The following TMEM94 variants were observed in gnomAD, a reference collection of about 807,000 sequenced individuals.
The protein encoded by TMEM94 is ER Mg2+ ATPase.
A neutral mutation model predicts 158.6 loss-of-function variants in TMEM94; 81 were observed. The observed-to-expected ratio is 0.51, with a 90% confidence interval of 0.43 to 0.61. The LOEUF (loss-of-function observed/expected upper bound fraction) is 0.61, where lower values mean the gene tolerates loss of function less well. Ranked by LOEUF, TMEM94 falls within the 20% of genes least tolerant of loss-of-function variation. The pLI, the probability that TMEM94 is intolerant of heterozygous loss-of-function variation, is 0.00. For missense variants in TMEM94, 1,435 were observed against 1,762.0 expected (o/e 0.81, Z 3.32); for synonymous variants, 751 against 730.7 (o/e 1.03, Z -0.45).
rs1486783729 is a variant in TMEM94, at chr17:75,498,684, C to T, written c.3789C>T (p.Pro1263=). 1.3e-6 allele frequency: 2 copies of T among 1,587,658 alleles called. No homozygotes were observed. The highest frequency in any genetic ancestry group is 1.7e-6 in the Non-Finnish European group (2 of 1,165,920). ...HRTKPLWRKS[P]LTNLWWAVTV... ...CCAAGCCCCTGTGGAGAAAGAGCCCCTTGACCAACCTCTGGTGGGCCGTGA... is the reference window on the plus strand; with the variant it reads ...CCAAGCCCCTGTGGAGAAAGAGCCCTTTGACCAACCTCTGGTGGGCCGTGA... Residue 1263 remains proline, a synonymous_variant, in exon 30 of 32, where the codon CCC becomes CCT. Transcript: ENST00000314256. This position sits in a 1 kb window ranked among gnomAD's most constrained non-coding sequence, Gnocchi z 6.7.
At chr17:75,470,744 C>A (rs530775969) in intron 1 of TMEM94, among the ~76,000 whole-genome samples, 4 of 144,662 alleles carry the variant, frequency 2.8e-5, no homozygotes, top group Admixed American at 7.0e-5. Flanking sequence ...CATGGTGAAA[C>A]CCTGTCTCAA....
intron 1 of TMEM94, among the ~76,000 whole-genome samples, chr17:75,459,930 G>A (rs2050010371): frequency 6.6e-6 from 1 of 152,184 alleles, no homozygotes; most frequent in African/African-American, 2.4e-5. Context: ...GTGAACTAGA[G>A]GGTAGGCCAT....
At chr17:75,465,002 T>TTTG (rs949961245) in intron 1 of TMEM94, among the ~76,000 whole-genome samples, 1 of 151,736 alleles carries the variant, frequency 6.6e-6, no homozygotes, top group African/African-American at 2.4e-5. Flanking sequence ...CCCGGCTCTT[T>TTTG]TTGTTGTTGT....
At chr17:75,476,336 G>T (rs979775569) in intron 2 of TMEM94, among the ~76,000 whole-genome samples, 1 of 152,234 alleles carries the variant, frequency 6.6e-6, no homozygotes, top group Non-Finnish European at 1.5e-5. Context: ...TGAAGAACAG[G>T]CCAAGCTCCT....
In TMEM94 at chr17:75,492,241, C is replaced by T. The variant is rs2052268200; in HGVS notation, c.1597-233C>T. On this transcript the variant is annotated intron_variant, in intron 14 of 31. Coordinates refer to ENST00000314256, the MANE Select transcript of TMEM94 (RefSeq NM_014738.6). This position sits in a 1 kb window ranked among gnomAD's most constrained non-coding sequence, Gnocchi z 4.4. ...GGTCTGGCCACCCCTCTTTTTAGCT[C>T]CTGCCAGTGTCATGAGATATATTAA... 2 of 1,421,056 alleles carry T rather than the reference C, an allele frequency of 1.4e-6. No individual in the cohort carries two copies. Among genetic ancestry groups the T allele is most frequent in the Admixed American group, 3.0e-5 (1 of 33,288 alleles). 88.0% of individuals were successfully genotyped at this position (1,421,056 alleles called of 1,614,324 possible).
chr17:75,494,520 C>T, intron 18 of TMEM94, 107 bp from the exon 19 acceptor site: 1 of 1,143,558 alleles, frequency 8.7e-7, no homozygotes, highest in Non-Finnish European at 1.2e-6. Context: ...TGTGTGGTCC[C>T]CTGGGGCCCA....
At chr17:75,479,394 A>G (rs1017034932) in intron 2 of TMEM94, among the ~76,000 whole-genome samples, 2 of 152,084 alleles carry the variant, frequency 1.3e-5, no homozygotes, top group Non-Finnish European at 2.9e-5. Flanking sequence ...ATCTCGGCTC[A>G]CTGCAACCGC....
Position 75,495,618 on chromosome 17 carries a change from C to G in TMEM94, c.2919C>G (p.Pro973=). Residue 973 remains proline, a synonymous_variant, in exon 22 of 32, where the codon CCC becomes CCG. Coordinates refer to ENST00000314256, the MANE Select transcript of TMEM94 (RefSeq NM_014738.6). The surrounding 1 kb of genome is among the most constrained non-coding windows in gnomAD (Gnocchi z 5.6). ...QNIDNVPLLV[P]LFTDCTPETM... ...TTGACAACGTGCCCCTGCTAGTGCC[C>G]CTTTTCACCGACTGCACCCCAGAGA... 1 of 1,613,582 alleles carries G rather than the reference C, an allele frequency of 6.2e-7. No homozygotes were observed. Among genetic ancestry groups the G allele is most frequent in the Non-Finnish European group, 8.5e-7 (1 of 1,180,014 alleles).
At position 75,498,761 on chromosome 17, in the gene TMEM94, G is replaced by A. The variant is rs1325529540; in HGVS notation, c.3827+39G>A. On this transcript the variant is annotated intron_variant, in intron 30 of 31. Coordinates refer to ENST00000314256, the MANE Select transcript of TMEM94 (RefSeq NM_014738.6). The surrounding 1 kb of genome is among the most constrained non-coding windows in gnomAD (Gnocchi z 6.7). ...GGATGGAGGGCGGAGTGTGGGCTGG[G>A]GAGGAGAGGGCCTTCTGCAGGGCTA... 2.6e-6 allele frequency: 4 copies of A among 1,536,042 alleles called. No homozygotes were observed. The highest frequency in any genetic ancestry group is 3.5e-6 in the Non-Finnish European group (4 of 1,140,076).
In TMEM94 at chr17:75,500,092, C is replaced by T. The variant is rs1266008336; in HGVS notation, c.*758C>T. On this transcript the variant is annotated 3_prime_UTR_variant, in exon 32 of 32. Coordinates refer to ENST00000314256, the MANE Select transcript of TMEM94 (RefSeq NM_014738.6). ...AAATGTGTCAATTGCTAAGAAATAC[C>T]TGTGGCTGGTCTGTAAGGCCACTCC... The T allele has an allele frequency of 6.6e-6, 1 of 152,424 alleles. No individual in the cohort carries two copies. The highest frequency in any genetic ancestry group is 1.5e-5 in the Non-Finnish European group (1 of 68,090). The allele number at this position is 152,424 out of a possible 1,614,324, so 9.4% of individuals were successfully genotyped here. A position where few individuals can be genotyped will look rare whatever the true frequency, so the allele number is the denominator to read the frequency against.
In TMEM94 at chr17:75,495,654, T is replaced by C. The variant is rs2052608934; in HGVS notation, c.2944+11T>C. 6.2e-7 allele frequency: 1 copy of C among 1,612,592 alleles called. No individual in the cohort carries two copies. On this transcript the variant is annotated intron_variant, in intron 22 of 31. Transcript: ENST00000314256. This position sits in a 1 kb window ranked among gnomAD's most constrained non-coding sequence, Gnocchi z 5.6. ...ACTGCACCCCAGAGAGTGAGTGCTG[T>C]GGCCATGGGTACTTGGGCAACCTGG...
Position 75,486,467 on chromosome 17 carries a change from G to A in TMEM94, c.409+41G>A, listed in dbSNP as rs770634854. On this transcript the variant is annotated intron_variant, in intron 5 of 31. Coordinates refer to ENST00000314256, the MANE Select transcript of TMEM94 (RefSeq NM_014738.6). Reference sequence around the variant, plus strand: ...GGCATATTGGTGGGAAAAGATGACCGGACATATCAGAGCCCTGAGGGCTCC... The same window carrying A: ...GGCATATTGGTGGGAAAAGATGACCAGACATATCAGAGCCCTGAGGGCTCC... 19 of 1,613,102 alleles carry A rather than the reference G, an allele frequency of 1.2e-5. 1 individual carries two copies. Among genetic ancestry groups the A allele is most frequent in the South Asian group, 9.9e-5 (9 of 90,942 alleles).
chr17:75,478,826 G>A (rs1382523501), intron 2 of TMEM94, among the ~76,000 whole-genome samples: 2 of 152,202 alleles, frequency 1.3e-5, no homozygotes, highest in Non-Finnish European at 2.9e-5. Flanking sequence ...TCCCCTTGGT[G>A]TGGTGGGAGT....
rs556295768 is a variant in TMEM94, at chr17:75,465,894, C to T, written c.-106-5906C>T. Among the ~76,000 whole-genome samples the T allele has an allele frequency of 2.0e-5, 3 of 151,266 alleles. No individual in the cohort carries two copies. The East Asian group carries it at 5.8e-4, about 29-fold the overall frequency. ...GGAAATTTTTTTTATTTTTATGGAACAATTTATCAGTTGTTTTCTTTTATT... is the reference window on the plus strand; with the variant it reads ...GGAAATTTTTTTTATTTTTATGGAATAATTTATCAGTTGTTTTCTTTTATT... On this transcript the variant is annotated intron_variant, in intron 1 of 31. Transcript: ENST00000314256.
chr17:75,470,318 A>G (rs2050449646), intron 1 of TMEM94, among the ~76,000 whole-genome samples: 1 of 151,714 alleles, frequency 6.6e-6, no homozygotes, highest in South Asian at 2.1e-4. Flanking sequence ...CACAAAATTA[A>G]AAAAAATAAT....
At position 75,486,354 on chromosome 17, in the gene TMEM94, A is replaced by G. The variant is rs372556887; in HGVS notation, c.337A>G (p.Ile113Val). Reference protein sequence around the residue: ...FLLLLLNLVLIGRQDRLKRRE... With the variant: ...FLLLLLNLVLVGRQDRLKRRE... ...GTTACTGCTTCTCAACCTTGTGCTC[A>G]TCGGGCGGCAAGACCGGCTGAAGCG... Residue 113 changes from isoleucine (I) to valine (V), a missense_variant, in exon 5 of 32, where the codon ATC becomes GTC. Ile to Val is a conservative substitution (Grantham distance 29). Coordinates refer to ENST00000314256, the MANE Select transcript of TMEM94 (RefSeq NM_014738.6). 7.4e-6 allele frequency: 12 copies of G among 1,614,040 alleles called. No homozygotes were observed. Among genetic ancestry groups the G allele is most frequent in the Admixed American group, 5.0e-5 (3 of 60,002 alleles).
chr17:75,463,458 A>AGT (rs1366254842), intron 1 of TMEM94, among the ~76,000 whole-genome samples: 1 of 151,834 alleles, frequency 6.6e-6, no homozygotes, highest in Non-Finnish European at 1.5e-5. Flanking sequence ...CAGTTTTGTT[A>AGT]GTGTCCTTCT....
Position 75,489,501 on chromosome 17 carries a change from A to G in TMEM94, c.868-75A>G. 6.7e-7 allele frequency: 1 copy of G among 1,503,402 alleles called. No individual in the cohort carries two copies. Among genetic ancestry groups the G allele is most frequent in the Non-Finnish European group, 9.3e-7 (1 of 1,079,728 alleles). The allele number at this position is 1,503,402 out of a possible 1,614,324, so 93.1% of individuals were successfully genotyped here. A position where few individuals can be genotyped will look rare whatever the true frequency, so the allele number is the denominator to read the frequency against. ...GAGTGAGCCAGCCTGTGGAGTAGCA[A>G]AGGAAGGGGAACGGCAGTGCCTGGG... On this transcript the variant is annotated intron_variant, in intron 8 of 31. Coordinates refer to ENST00000314256, the MANE Select transcript of TMEM94 (RefSeq NM_014738.6). This position sits in a 1 kb window ranked among gnomAD's most constrained non-coding sequence, Gnocchi z 5.0.
intron 2 of TMEM94, among the ~76,000 whole-genome samples, chr17:75,482,559 TGTATGTATGTA>T (rs2051262702): frequency 6.6e-6 from 1 of 151,782 alleles, no homozygotes; most frequent in Middle Eastern, 3.2e-3. Flanking sequence ...TATGTATGTA[TGTATGTATGTA>T]TAACCTGGAA....
Sources: gnomAD v4.1 joint callset for allele counts (sites outside exome capture counted in the v4.1 genomes callset) on GRCh38, gnomAD v4.1.1 for gene constraint, Gnocchi (gnomAD v3.1) non-coding constraint, MANE v1.5 for transcripts, NCBI Gene and HGNC (gene_info 2026-07-23, HGNC 2026-07-21) for gene names.